Variants in PCMTD2 observed in about 807,000 individuals in gnomAD.
The protein encoded by PCMTD2 is protein-L-isoaspartate (D-aspartate) O-methyltransferase domain containing 2.
A neutral mutation model predicts 33.4 loss-of-function variants in PCMTD2; 16 were observed. The ratio of observed to expected loss-of-function variants is 0.48; its 90% CI spans 0.32 to 0.73. The LOEUF (loss-of-function observed/expected upper bound fraction) is 0.73, where lower values mean the gene tolerates loss of function less well. Among genes scored for constraint, PCMTD2 ranks in the 30% least tolerant of loss-of-function variants. The pLI is 0.03. For synonymous variants in PCMTD2, 161 were observed against 160.8 expected (o/e 1.00, Z -0.01); for missense variants, 374 against 449.9 (o/e 0.83, Z 1.53).
chr20:64,267,294 G>T (rs8123433), intron 4 of PCMTD2, among the ~76,000 whole-genome samples: 8,561 of 152,194 alleles, frequency 0.056, 732 homozygotes, highest in African/African-American at 0.19. Flanking sequence ...TTTCGTGGGG[G>T]TGATATCAGG....
In PCMTD2 at chr20:64,260,706, G is replaced by GTT. The variant is rs10585176; in HGVS notation, c.307+454_307+455dup. On this transcript the variant is annotated intron_variant, in intron 2 of 5. Transcript: ENST00000308824. ...CTTCTAAGCAGTTTTTGTTTTGTTG[G>GTT]TTTTTTTTTTTTTTTTTTTTTGACA... is the stretch of plus-strand genomic sequence containing the variant. Among the ~76,000 whole-genome samples the GTT allele has an allele frequency of 1.1e-3, 128 of 117,546 alleles. 1 individual carries two copies. The highest frequency in any genetic ancestry group is 4.0e-3 in the South Asian group (15 of 3,734). The allele number at this position is 117,546 out of a possible 152,430, so 77.1% of individuals were successfully genotyped here. A position where few individuals can be genotyped will look rare whatever the true frequency, so the allele number is the denominator to read the frequency against.
rs1464101068 is a variant in PCMTD2, at chr20:64,273,287, T to G, written c.773T>G (p.Ile258Ser). The G allele has an allele frequency of 4.3e-6, 7 of 1,613,934 alleles. No homozygotes were observed. Among genetic ancestry groups the G allele is most frequent in the Non-Finnish European group, 5.9e-6 (7 of 1,179,952 alleles). The change falls in exon 6 of 6, where the codon ATT becomes AGT. Residue 258 changes from isoleucine to serine, a missense_variant. Transcript: ENST00000308824. ...RIAIRGTIKK[I>S]IHQETVSKNG... Reference sequence around the variant, plus strand: ...GCCATCCGGGGCACCATTAAAAAGATTATTCATCAGGAAACTGTGAGCAAA... The same window carrying G: ...GCCATCCGGGGCACCATTAAAAAGAGTATTCATCAGGAAACTGTGAGCAAA...
At chr20:64,261,431 T>A (rs990708734) in intron 2 of PCMTD2, among the ~76,000 whole-genome samples, 23 of 152,224 alleles carry the variant, frequency 1.5e-4, no homozygotes, top group African/African-American at 5.1e-4. Context: ...GGAATGTGGC[T>A]TGGCTTGGTG....
intron 1 of PCMTD2, among the ~76,000 whole-genome samples, chr20:64,259,541 A>G (rs1290580752): frequency 6.6e-6 from 1 of 151,948 alleles, no homozygotes; most frequent in Non-Finnish European, 1.5e-5. Context: ...GGCATCCACC[A>G]GCATGCCTGG....
rs34454865 is a variant in PCMTD2 at position 64,261,500 on chromosome 20, T to C, written c.307+1228T>C. 9.6e-3 allele frequency among the ~76,000 whole-genome samples: 1,465 copies of C among 152,266 alleles called. 12 individuals are homozygous for C. The highest frequency in any genetic ancestry group is 0.015 in the Non-Finnish European group (1,008 of 68,002). The stretch of plus-strand genomic sequence containing the variant: ...CGAGGTCGGAGGATCGCTTGATCGC[T>C]TCAAGATTGCAGTGAGCTATGATTG... On this transcript the variant is annotated intron_variant, in intron 2 of 5. Transcript: ENST00000308824.
chr20:64,267,816 A>G (rs1044380361), intron 4 of PCMTD2, 71 bp from the exon 5 acceptor site: 9 of 1,323,486 alleles, frequency 6.8e-6, no homozygotes, highest in Middle Eastern at 1.8e-4. Flanking sequence ...TATAGTATGT[A>G]TAGGAATGAT....
chr20:64,258,793 C>A (rs1052454372), intron 1 of PCMTD2: 1 of 152,100 alleles, frequency 6.6e-6, no homozygotes, highest in African/African-American at 2.4e-5. Context: ...GTCTGGTGGT[C>A]TTTTTCCCTG....
chr20:64,267,183 G>T (rs1189304538), intron 4 of PCMTD2, among the ~76,000 whole-genome samples: 2 of 152,172 alleles, frequency 1.3e-5, no homozygotes, highest in African/African-American at 4.8e-5. Flanking sequence ...TGCACAGAGG[G>T]TCATGTCTAA....
chr20:64,267,192 A>T (rs1474635609), intron 4 of PCMTD2, among the ~76,000 whole-genome samples: 1 of 152,200 alleles, frequency 6.6e-6, no homozygotes, highest in East Asian at 1.9e-4. Context: ...GGTCATGTCT[A>T]ATTGTGGTCT....
chr20:64,270,004 G>C (rs1985834532), intron 5 of PCMTD2, among the ~76,000 whole-genome samples: 1 of 149,718 alleles, frequency 6.7e-6, no homozygotes. Context: ...CACGGTGTGG[G>C]GTCGTAAGTT....
At chr20:64,272,495 G>A (rs1048737543) in intron 5 of PCMTD2, among the ~76,000 whole-genome samples, 3 of 152,220 alleles carry the variant, frequency 2.0e-5, no homozygotes, top group African/African-American at 7.2e-5. Context: ...AATGTTCATT[G>A]TGTAAATAAC....
intron 1 of PCMTD2, chr20:64,259,685 C>A (rs1054322586): frequency 1.4e-5 from 6 of 441,274 alleles, no homozygotes; most frequent in Non-Finnish European, 2.4e-5. Flanking sequence ...CCACCGCACC[C>A]GGCCTAAATT....
Position 64,265,418 on chromosome 20 carries a change from C to T in PCMTD2, c.571C>T (p.Leu191=). 6.2e-7 allele frequency: 1 copy of T among 1,610,378 alleles called. No homozygotes were observed. Among genetic ancestry groups the T allele is most frequent in the Non-Finnish European group, 8.5e-7 (1 of 1,178,092 alleles). ...LKVGGILVMP[L]EEKLTKITRT... ...AGTGGGAGGGATCCTTGTCATGCCA[C>T]TGGAAGAGAAGGTCAGATTCCCTTC... The change falls in exon 4 of 6, where the codon CTG becomes TTG. Residue 191 remains leucine, a synonymous_variant. Coordinates refer to ENST00000308824, the MANE Select transcript of PCMTD2 (RefSeq NM_018257.3).
At chr20:64,256,238 C>G (rs1985160580) in intron 1 of PCMTD2, among the ~76,000 whole-genome samples, 1 of 152,214 alleles carries the variant, frequency 6.6e-6, no homozygotes, top group Non-Finnish European at 1.5e-5. Flanking sequence ...CTGCCTTGGA[C>G]CCTTTCAGAA....
In PCMTD2 at chr20:64,273,262, G is replaced by A. The variant is rs755474706; in HGVS notation, c.748G>A (p.Ala250Thr). The change falls in exon 6 of 6, where the codon GCC (alanine) becomes ACC (threonine). Residue 250 changes from alanine to threonine, a missense_variant. Ala to Thr is a moderately conservative substitution (Grantham distance 58, BLOSUM62 0). Coordinates refer to ENST00000308824, the MANE Select transcript of PCMTD2 (RefSeq NM_018257.3). The part of the protein sequence containing the change: ...VRSLQDLARI[A>T]IRGTIKKIIH... ...CAGCCTCCAGGACTTGGCTCGCATC[G>A]CCATCCGGGGCACCATTAAAAAGAT... 1.4e-5 allele frequency: 23 copies of A among 1,613,824 alleles called. No individual in the cohort carries two copies. In the East Asian group the frequency reaches 2.9e-4, roughly 20 times the overall value.
Position 64,273,491 on chromosome 20 carries a change from C to CG in PCMTD2, c.978dup (p.Pro327AlafsTer45). 6.2e-7 allele frequency: 1 copy of CG among 1,609,768 alleles called. No homozygotes were observed. Among genetic ancestry groups the CG allele is most frequent in the Non-Finnish European group, 8.5e-7 (1 of 1,178,516 alleles). ...CGGAGGGAAGAAGAAGAGAAGACCC[C>CG]GCCGGAAACAAAGCCAGACCCCCCA... On this transcript the variant is annotated frameshift_variant, in exon 6 of 6. Coordinates refer to ENST00000308824, the MANE Select transcript of PCMTD2 (RefSeq NM_018257.3). LOFTEE classifies it high-confidence loss of function.
At position 64,273,512 on chromosome 20, in the gene PCMTD2, C is replaced by T. The variant is rs1376774263; in HGVS notation, c.998C>T (p.Pro333Leu). The change falls in exon 6 of 6, where the codon CCC becomes CTC. Residue 333 changes from proline to leucine, a missense_variant. Physicochemically the swap from Pro to Leu is moderately conservative, Grantham distance 98 (BLOSUM62 -3). Coordinates refer to ENST00000308824, the MANE Select transcript of PCMTD2 (RefSeq NM_018257.3). The part of the protein sequence containing the change: ...EKTPPETKPD[P>L]PVNFLRQKVL... ...ACCCCGCCGGAAACAAAGCCAGACCCCCCAGTGAACTTCCTACGCCAGAAG... is the reference window on the plus strand; with the variant it reads ...ACCCCGCCGGAAACAAAGCCAGACCTCCCAGTGAACTTCCTACGCCAGAAG... 1 of 1,597,094 alleles carries T rather than the reference C, an allele frequency of 6.3e-7. No homozygotes were observed. Among genetic ancestry groups the T allele is most frequent in the African/African-American group, 1.4e-5 (1 of 73,650 alleles).
chr20:64,264,287 A>T (rs188824179), intron 2 of PCMTD2, 142 bp from the exon 3 acceptor site: 1 of 587,426 alleles, frequency 1.7e-6, no homozygotes, highest in African/African-American at 1.9e-5. Context: ...GTGAGCCGTG[A>T]TACTGTGATG....
intron 1 of PCMTD2, among the ~76,000 whole-genome samples, chr20:64,257,999 A>G (rs1382747352): frequency 2.0e-5 from 3 of 152,250 alleles, no homozygotes; most frequent in African/African-American, 7.2e-5. Flanking sequence ...AAATTAAGGC[A>G]GAGTTCAAAA....
Sources: gnomAD v4.1 joint callset for allele counts (sites outside exome capture counted in the v4.1 genomes callset) on GRCh38, gnomAD v4.1.1 for gene constraint, MANE v1.5 for transcripts, NCBI Gene and HGNC (gene_info 2026-07-23, HGNC 2026-07-21) for gene names.